Variants in ESR1 observed in about 807,000 individuals in gnomAD.
ESR1 encodes the protein estrogen receptor 1, also known as estrogen receptor.
In ESR1, 12 loss-of-function variants were observed where a neutral mutation model predicts 52.7. The observed-to-expected ratio is 0.23, with a 90% confidence interval of 0.15 to 0.37. The LOEUF (loss-of-function observed/expected upper bound fraction) is 0.37, where lower values mean the gene tolerates loss of function less well. ESR1 is among the 10% of genes least tolerant of loss of function. The pLI is 1.00. For missense variants in ESR1, 584 were observed against 779.7 expected (o/e 0.75, Z 2.99); for synonymous variants, 305 against 316.8 (o/e 0.96, Z 0.39).
intron 1 of ESR1, among the ~76,000 whole-genome samples, chr6:151,701,065 C>T (rs1376837374): frequency 6.6e-6 from 1 of 152,102 alleles, no homozygotes; most frequent in African/African-American, 2.4e-5. Flanking sequence ...AGTTGCATTG[C>T]TCAATTTCTC....
chr6:151,755,582 C>A (rs1262243667), intron 2 of ESR1, among the ~76,000 whole-genome samples: 3 of 152,074 alleles, frequency 2.0e-5, no homozygotes, highest in African/African-American at 7.2e-5. Context: ...CCAGTCAGCT[C>A]TGTCCTTTAA....
intron 1 of ESR1, among the ~76,000 whole-genome samples, chr6:151,811,804 C>G (rs746851606): frequency 2.6e-5 from 4 of 152,094 alleles, no homozygotes; most frequent in South Asian, 2.1e-4. Context: ...GTCACATATT[C>G]CCTGGTGAAT....
chr6:152,080,734 G>A (rs1286183676), intron 6 of ESR1, among the ~76,000 whole-genome samples: 1 of 151,502 alleles, frequency 6.6e-6, no homozygotes, highest in East Asian at 1.9e-4. Flanking sequence ...TCAAGACTGT[G>A]CTGTATTCAG....
At chr6:152,043,680 C>T (rs1009505123) in intron 5 of ESR1, among the ~76,000 whole-genome samples, 4 of 152,178 alleles carry the variant, frequency 2.6e-5, no homozygotes, top group African/African-American at 9.7e-5. Flanking sequence ...GATGGCAGCG[C>T]AGGTGGAGGA....
At chr6:152,041,258 G>T (rs771530484) in intron 5 of ESR1, among the ~76,000 whole-genome samples, 2 of 152,156 alleles carry the variant, frequency 1.3e-5, no homozygotes, top group Admixed American at 6.5e-5. Context: ...GATCTGCCAG[G>T]TCATATGGCC....
chr6:151,664,560 C>T (rs1777752515), intron 1 of ESR1, among the ~76,000 whole-genome samples: 1 of 152,208 alleles, frequency 6.6e-6, no homozygotes, highest in Non-Finnish European at 1.5e-5. Context: ...AGAATCCCTA[C>T]TTTCCAGCCC....
upstream of ESR1, among the ~76,000 whole-genome samples, chr6:151,804,100 G>A (rs1371101022): frequency 6.6e-6 from 1 of 152,158 alleles, no homozygotes; most frequent in African/African-American, 2.4e-5. Flanking sequence ...GAGCCCGAGT[G>A]AAGTTTTTGC....
At chr6:152,127,574 T>C (rs930941614) in exon 7 of ESR1, 5 of 152,092 alleles carry the variant, frequency 3.3e-5, no homozygotes, top group Non-Finnish European at 7.4e-5. Flanking sequence ...TGTGATAAAT[T>C]TCTCAAACTG....
chr6:151,956,188 C>T (rs1034759102), intron 4 of ESR1, among the ~76,000 whole-genome samples: 10 of 152,094 alleles, frequency 6.6e-5, no homozygotes, highest in East Asian at 1.9e-4. Flanking sequence ...AATGAACATA[C>T]GCGTTCATGT....
intron 1 of ESR1, among the ~76,000 whole-genome samples, chr6:151,664,822 T>C (rs1341600041): frequency 1.3e-5 from 2 of 152,236 alleles, no homozygotes; most frequent in African/African-American, 2.4e-5. Flanking sequence ...TCTTGCTTTC[T>C]TTTAAGCACC....
Position 152,070,286 on chromosome 6 carries a change from A to G in ESR1, c.1369+9162A>G, listed in dbSNP as rs544726749. On this transcript the variant is annotated intron_variant, in intron 6 of 7. Transcript: ENST00000206249. Reference sequence around the variant, plus strand: ...AACTAGAGGTGCAATCAGGCCATATATTTGGAAAGGCCATAGGTGCCCTCC... The same window carrying G: ...AACTAGAGGTGCAATCAGGCCATATGTTTGGAAAGGCCATAGGTGCCCTCC... Among the ~76,000 whole-genome samples the G allele has an allele frequency of 7.3e-5, 10 of 137,464 alleles. 1 individual carries two copies. The highest frequency in any genetic ancestry group is 1.3e-4 in the Non-Finnish European group (9 of 66,790). The allele number at this position is 137,464 out of a possible 152,430, so 90.2% of individuals were successfully genotyped here.
intron 2 of ESR1, among the ~76,000 whole-genome samples, chr6:151,704,193 T>A (rs1780008895): frequency 1.3e-5 from 2 of 152,158 alleles, no homozygotes; most frequent in Non-Finnish European, 2.9e-5. Context: ...TCTTTCATAT[T>A]TTTTTTAAGA....
intron 2 of ESR1, among the ~76,000 whole-genome samples, chr6:151,747,657 G>A (rs953421012): frequency 1.3e-5 from 2 of 152,134 alleles, no homozygotes; most frequent in Non-Finnish European, 2.9e-5. Flanking sequence ...AGAGTTGTGC[G>A]ATCATTGCCA....
Position 151,974,371 on chromosome 6 carries a change from G to A in ESR1, c.1096+29863G>A, listed in dbSNP as rs558013357. ...TATCTTCATTTTTTGCTGAGGGAAG[G>A]AATAAAGTCACAGCCAGCTTACAGA... On this transcript the variant is annotated intron_variant, in intron 4 of 7. Coordinates refer to ENST00000206249, the MANE Select transcript of ESR1 (RefSeq NM_000125.4). Among the ~76,000 whole-genome samples, 3 of 152,248 alleles carry A rather than the reference G, an allele frequency of 2.0e-5. No individual in the cohort carries two copies. The South Asian group carries it at 6.2e-4, about 32-fold the overall frequency.
chr6:151,822,887 C>G (rs1780797838), intron 1 of ESR1, among the ~76,000 whole-genome samples: 1 of 152,156 alleles, frequency 6.6e-6, no homozygotes, highest in Non-Finnish European at 1.5e-5. Flanking sequence ...ATGTCCGAAA[C>G]AGACTTTTGT....
exon 7 of ESR1, chr6:152,125,376 T>C (rs1315954018): frequency 1.3e-6 from 2 of 1,542,448 alleles, no homozygotes; most frequent in East Asian, 4.9e-5. Flanking sequence ...CCTCACAGTA[T>C]CCTGCAGATC....
At chr6:151,915,320 A>G (rs898313478) in intron 3 of ESR1, among the ~76,000 whole-genome samples, 1 of 152,192 alleles carries the variant, frequency 6.6e-6, no homozygotes, top group Non-Finnish European at 1.5e-5. Flanking sequence ...TAATTTCTCC[A>G]TCTATGTGTC....
At chr6:151,977,632 T>C (rs544218303) in intron 4 of ESR1, among the ~76,000 whole-genome samples, 1 of 151,748 alleles carries the variant, frequency 6.6e-6, no homozygotes, top group African/African-American at 2.4e-5. Flanking sequence ...CTATATCTAC[T>C]AAAAATACAA....
intron 6 of ESR1, among the ~76,000 whole-genome samples, chr6:152,069,951 T>C (rs1193576051): frequency 7.3e-6 from 1 of 137,474 alleles, no homozygotes; most frequent in Non-Finnish European, 1.5e-5. Context: ...TTTGGTTTTG[T>C]TAATTTTATG....
Sources: allele counts gnomAD v4.1 joint callset (sites outside exome capture counted in the v4.1 genomes callset), GRCh38; gene constraint gnomAD v4.1.1; transcripts MANE v1.5; gene names NCBI Gene and HGNC (gene_info 2026-07-23, HGNC 2026-07-21).